The following PTPRF variants were observed in gnomAD, a reference collection of about 807,000 sequenced individuals.
PTPRF encodes the protein protein tyrosine phosphatase receptor type F, also known as receptor-type tyrosine-protein phosphatase F.
Under a neutral mutation model 201.8 loss-of-function variants are expected in PTPRF, and 59 were observed. The observed-to-expected ratio is 0.29, with a 90% CI of 0.24 to 0.36. PTPRF has a LOEUF of 0.36. Ranked by LOEUF, PTPRF falls within the 10% of genes least tolerant of loss-of-function variation. PTPRF has a pLI of 1.00. For missense variants in PTPRF, 2,132 were observed against 2,690.5 expected, an observed-to-expected ratio of 0.79 and a Z score of 4.59; for synonymous variants, 1,088 against 1,089.7, an observed-to-expected ratio of 1.00 and a Z score of 0.03.
chr1:43,527,565 C>T (rs577802769), upstream of PTPRF, among the ~76,000 whole-genome samples: 5 of 152,312 alleles, frequency 3.3e-5, no homozygotes, highest in South Asian at 2.1e-4. Context: ...AGAGGGCAGA[C>T]GCCAATGGGT....
At chr1:43,615,568 TTTTTTTTTTTTTTC>T (rs1255139768) in intron 23 of PTPRF, among the ~76,000 whole-genome samples, 10 of 134,388 alleles carry the variant, frequency 7.4e-5, no homozygotes, top group Admixed American at 1.4e-4. Context: ...TTTTTTTTTT[TTTTTTTTTTTTTTC>T]TTTTTTGGAA....
In PTPRF at chr1:43,605,311, G is replaced by GC; in HGVS notation, c.3259dup (p.Leu1087ProfsTer54). 1 of 1,613,464 alleles carries GC rather than the reference G, an allele frequency of 6.2e-7. No homozygotes were observed. Among genetic ancestry groups the GC allele is most frequent in the Non-Finnish European group, 8.5e-7 (1 of 1,179,718 alleles). On this transcript the variant is annotated frameshift_variant, in exon 18 of 34. Transcript: ENST00000359947. LOFTEE classifies it high-confidence loss of function. The stretch of plus-strand genomic sequence containing the variant: ...ATGAACCGTGGCAGCAGCGCAGGGG[G>GC]CCTGCAGCACCTGGTGTCCATCCGC...
At position 43,619,360 on chromosome 1, in the gene PTPRF, G is replaced by A. The variant is rs550355797; in HGVS notation, c.4719G>A (p.Thr1573=). 4.2e-5 allele frequency: 68 copies of A among 1,614,010 alleles called. No homozygotes were observed. Among genetic ancestry groups the A allele is most frequent in the South Asian group, 3.2e-4 (29 of 91,088 alleles). The change falls in exon 28 of 34, where the codon ACG becomes ACA. Residue 1573 remains threonine, a synonymous_variant. Coordinates refer to ENST00000359947, the MANE Select transcript of PTPRF (RefSeq NM_002840.5). Reference sequence around the variant, plus strand: ...TGGAGCGGATGAAGCACGAGAAGACGGTGGACATCTATGGCCACGTGACCT... The same window carrying A: ...TGGAGCGGATGAAGCACGAGAAGACAGTGGACATCTATGGCCACGTGACCT... ...AMLERMKHEK[T]VDIYGHVTCM...
At chr1:43,559,110 C>A (rs937012993) in intron 5 of PTPRF, among the ~76,000 whole-genome samples, 1 of 152,206 alleles carries the variant, frequency 6.6e-6, no homozygotes, top group East Asian at 1.9e-4. Context: ...AGATAACGTG[C>A]ACTGTTCGTG....
chr1:43,540,145 C>G (rs1017840336), intron 2 of PTPRF, among the ~76,000 whole-genome samples: 3 of 152,198 alleles, frequency 2.0e-5, no homozygotes, highest in Non-Finnish European at 4.4e-5. Flanking sequence ...GGGTGTCTAG[C>G]AGCATCCCTG....
At position 43,592,562 on chromosome 1, in the gene PTPRF, G is replaced by C; in HGVS notation, c.1774G>C (p.Val592Leu). Residue 592 changes from valine (V) to leucine (L), a missense_variant, in exon 11 of 34, where the codon GTC becomes CTC. By Grantham distance (32) the Val-to-Leu change is conservative. This residue lies in a region of PTPRF where 351 missense variants were observed against 401.7 expected (regional missense o/e 0.87). Coordinates refer to ENST00000359947, the MANE Select transcript of PTPRF (RefSeq NM_002840.5). ...LAARSDMGVG[V>L]FTPTIEARTA... is the part of the protein sequence containing the mutation. ...TGCACGCTCGGATATGGGGGTGGGC[G>C]TCTTCACCCCCACCATTGAGGCCCG... 2 of 1,610,542 alleles carry C rather than the reference G, an allele frequency of 1.2e-6. No individual in the cohort carries two copies. The highest frequency in any genetic ancestry group is 1.7e-6 in the Non-Finnish European group (2 of 1,178,888).
intron 7 of PTPRF, among the ~76,000 whole-genome samples, chr1:43,583,288 G>C (rs1648227492): frequency 6.6e-6 from 1 of 152,260 alleles, no homozygotes; most frequent in East Asian, 1.9e-4. Context: ...TGTTCCTGCT[G>C]CTTGGGTCCC....
At chr1:43,566,306 T>C (rs1341606551) in intron 5 of PTPRF, among the ~76,000 whole-genome samples, 3 of 152,262 alleles carry the variant, frequency 2.0e-5, no homozygotes, top group African/African-American at 7.2e-5. Context: ...GTTGCCCATG[T>C]ACCTCATAAG....
chr1:43,604,143 C>T lies in PTPRF; in HGVS notation c.2991C>T (p.Gly997=), dbSNP rs1288382242. The T allele has an allele frequency of 2.5e-6, 4 of 1,614,148 alleles. No individual in the cohort carries two copies. Among genetic ancestry groups the T allele is most frequent in the Non-Finnish European group, 1.7e-6 (2 of 1,180,048 alleles). ...KVRAWTSKGS[G]PLSPSIQSRT... is the part of the protein sequence containing the mutation. The stretch of plus-strand genomic sequence containing the variant: ...GCGCATGGACCAGCAAAGGCTCTGG[C>T]CCACTCAGCCCCAGCATCCAGTCCC... Residue 997 remains glycine, a synonymous_variant, in exon 16 of 34, where the codon GGC becomes GGT. Transcript: ENST00000359947.
Position 43,597,741 on chromosome 1 carries a change from T to TCCCCCCCCCCCCCCCCCCCC in PTPRF, c.1814-3_1814-2insCCCCCCCCCCCCCCCCCCCC. On this transcript the variant is annotated splice_polypyrimidine_tract_variant and splice_region_variant and intron_variant, in intron 11 of 33. Coordinates refer to ENST00000359947, the MANE Select transcript of PTPRF (RefSeq NM_002840.5). ...CTGCTTGCTTCCCCCCCATTTGTCT[T>TCCCCCCCCCCCCCCCCCCCC]CCCCAGCCCCCTCCGCCCCTCCCCA... 2.0e-6 allele frequency: 3 copies of TCCCCCCCCCCCCCCCCCCCC among 1,517,946 alleles called. No individual in the cohort carries two copies. The highest frequency in any genetic ancestry group is 1.2e-5 in the South Asian group (1 of 83,652). 94.0% of individuals were successfully genotyped at this position (1,517,946 alleles called of 1,614,324 possible). A position where few individuals can be genotyped will look rare whatever the true frequency, so the allele number is the denominator to read the frequency against.
intron 14 of PTPRF, 109 bp downstream of exon 14, chr1:43,602,206 G>T: frequency 4.4e-6 from 6 of 1,355,060 alleles, no homozygotes; most frequent in Non-Finnish European, 6.3e-6. Flanking sequence ...GATCCACAGG[G>T]CTCTAGCCAC....
intron 6 of PTPRF, among the ~76,000 whole-genome samples, chr1:43,570,352 C>G (rs548807283): frequency 6.6e-6 from 1 of 152,222 alleles, no homozygotes; most frequent in Non-Finnish European, 1.5e-5. Flanking sequence ...CCCCATTGAT[C>G]GATCTGCCTG....
rs749558306 is a variant in PTPRF, at chr1:43,591,029, C to T, written c.1007C>T (p.Thr336Ile). 1.2e-6 allele frequency: 2 copies of T among 1,614,032 alleles called. No homozygotes were observed. Among genetic ancestry groups the T allele is most frequent in the Non-Finnish European group, 8.5e-7 (1 of 1,179,970 alleles). ...ACAGAGACAACTGCCACCAGTGTCA[C>T]CCTCACCTGGGACTCTGGGAACTCG... ...VVTETTATSV[T>I]LTWDSGNSEP... is the part of the protein sequence containing the mutation. Residue 336 changes from threonine (T) to isoleucine (I), a missense_variant, in exon 9 of 34, where the codon ACC (threonine) becomes ATC (isoleucine). This residue lies in a region of PTPRF where 351 missense variants were observed against 401.7 expected (regional missense o/e 0.87). Coordinates refer to ENST00000359947, the MANE Select transcript of PTPRF (RefSeq NM_002840.5).
rs749482455 is a variant in PTPRF, at chr1:43,605,199, A to C, written c.3145A>C (p.Asn1049His). The C allele has an allele frequency of 6.3e-7, 1 of 1,599,898 alleles. No homozygotes were observed. The highest frequency in any genetic ancestry group is 8.6e-7 in the Non-Finnish European group (1 of 1,169,388). Residue 1049 changes from asparagine (N) to histidine (H), a missense_variant, in exon 18 of 34, where the codon AAT becomes CAT. Physicochemically the swap from Asn to His is moderately conservative, Grantham distance 68 (BLOSUM62 1). Coordinates refer to ENST00000359947, the MANE Select transcript of PTPRF (RefSeq NM_002840.5). The part of the protein sequence containing the change: ...KSAVPFKILY[N>H]GQSVEVDGHS... ...CTCCCGTCCCCCACAGATTCTGTAC[A>C]ATGGGCAGAGTGTGGAGGTGGACGG... is the stretch of plus-strand genomic sequence containing the variant.
In PTPRF at chr1:43,597,888, G is replaced by A. The variant is rs775642004; in HGVS notation, c.1954G>A (p.Glu652Lys). 70 of 1,607,284 alleles carry A rather than the reference G, an allele frequency of 4.4e-5. No individual in the cohort carries two copies. Among genetic ancestry groups the A allele is most frequent in the African/African-American group, 9.3e-5 (7 of 74,876 alleles). ...YSVAYEAVDGEDRGRHVVDGI... is the reference protein window; with the variant it reads ...YSVAYEAVDGKDRGRHVVDGI... ...CGTGGCCTACGAGGCGGTGGACGGC[G>A]AGGACCGCGGGCGGCATGTGGTGGA... is the stretch of plus-strand genomic sequence containing the variant. Residue 652 changes from glutamate to lysine, a missense_variant, in exon 12 of 34, where the codon GAG becomes AAG. Physicochemically the swap from Glu to Lys is moderately conservative, Grantham distance 56. Around this residue, in one of 6 missense-constraint regions of PTPRF, gnomAD observed 125 missense variants for 211.9 expected, o/e 0.59. Transcript: ENST00000359947.
intron 12 of PTPRF, chr1:43,598,432 G>C (rs1044425235): frequency 9.9e-6 from 5 of 503,432 alleles, no homozygotes; most frequent in African/African-American, 9.7e-5. Context: ...GACTAGGGGT[G>C]GTCAAAGACC....
rs552951209 is a variant in PTPRF at position 43,610,818 on chromosome 1, C to T, written c.3973+1320C>T. On this transcript the variant is annotated intron_variant, in intron 22 of 33. Transcript: ENST00000359947. Reference sequence around the variant, plus strand: ...AGGTAGAGGTTGCGTGAGCCAAGATCGTACCATCGCATTCCAGCCTGGGTG... The same window carrying T: ...AGGTAGAGGTTGCGTGAGCCAAGATTGTACCATCGCATTCCAGCCTGGGTG... 4.3e-4 allele frequency among the ~76,000 whole-genome samples: 65 copies of T among 152,304 alleles called. 1 individual carries two copies. The South Asian group carries it at 0.013, about 30-fold the overall frequency.
chr1:43,559,275 G>T (rs540610811), intron 5 of PTPRF, among the ~76,000 whole-genome samples: 1 of 152,156 alleles, frequency 6.6e-6, no homozygotes. Flanking sequence ...TGGGGAAGGG[G>T]CAGTGTGTGC....
At chr1:43,529,625 G>C (rs1389523820), upstream of PTPRF, among the ~76,000 whole-genome samples, 1 of 152,116 alleles carries the variant, frequency 6.6e-6, no homozygotes, top group Non-Finnish European at 1.5e-5. Flanking sequence ...AGCCTAGCAA[G>C]CGGCGGGGGG....
Sources: gnomAD v4.1 joint callset for allele counts (sites outside exome capture counted in the v4.1 genomes callset) on GRCh38, gnomAD v4.1.1 for gene constraint, gnomAD v4.1.1 regional missense constraint, MANE v1.5 for transcripts, NCBI Gene and HGNC (gene_info 2026-07-23, HGNC 2026-07-21) for gene names.